Variants in ALG9 observed in about 807,000 individuals in gnomAD.
ALG9 encodes ALG9 alpha-1,2-mannosyltransferase.
A neutral mutation model predicts 81.8 loss-of-function variants in ALG9; 55 were observed. The ratio of observed to expected loss-of-function variants is 0.67; its 90% CI spans 0.54 to 0.84. ALG9 has a LOEUF of 0.84. Ranked by LOEUF, ALG9 falls within the 40% of genes least tolerant of loss-of-function variation. The pLI is 0.00. For missense variants in ALG9, 629 were observed against 745.0 expected (o/e 0.84, Z 1.81); for synonymous variants, 278 against 274.3 (o/e 1.01, Z -0.13).
At chr11:111,865,463 T>G (rs1160431286) in intron 3 of ALG9, among the ~76,000 whole-genome samples, 1 of 152,216 alleles carries the variant, frequency 6.6e-6, no homozygotes, top group African/African-American at 2.4e-5. Context: ...GAGGTAGAGC[T>G]CCATTCATGA....
intron 5 of ALG9, among the ~76,000 whole-genome samples, chr11:111,858,570 A>C (rs934315233): frequency 4.6e-5 from 7 of 152,192 alleles, no homozygotes; most frequent in African/African-American, 1.7e-4. Flanking sequence ...TCTGGCCTTT[A>C]AATAGCCCCC....
At position 111,840,943 on chromosome 11, in the gene ALG9, C is replaced by T. The variant is rs79745338; in HGVS notation, c.1019-134G>A. 1,603 of 1,055,370 alleles carry T rather than the reference C, an allele frequency of 1.5e-3. 12 individuals are homozygous for T. The African/African-American group carries it at 0.022, about 15-fold the overall frequency. 65.4% of individuals were successfully genotyped at this position (1,055,370 alleles called of 1,614,324 possible). On this transcript the variant is annotated intron_variant, in intron 9 of 14. Coordinates refer to ENST00000616540, the MANE Select transcript of ALG9 (RefSeq NM_024740.2). The stretch of plus-strand genomic sequence containing the variant: ...CATAGAATGTTTCTACTCTTGTATT[C>T]ACACTTTCTCCAATGCCATAAAGGC...
At chr11:111,870,507 G>T in intron 1 of ALG9, 137 bp from the exon 2 acceptor site, 1 of 1,176,182 alleles carries the variant, frequency 8.5e-7, no homozygotes, top group Non-Finnish European at 1.1e-6. Flanking sequence ...CTAAAAAGGT[G>T]AATAGCTAGT....
chr11:111,804,203 GA>G (rs1364321484), intron 14 of ALG9, among the ~76,000 whole-genome samples: 13 of 151,194 alleles, frequency 8.6e-5, no homozygotes, highest in Non-Finnish European at 1.9e-4. Context: ...GATAATACAG[GA>G]GAAAATCTAA....
rs1963856098 is a variant in ALG9, at chr11:111,870,227, C to T, written c.270+5G>A. The T allele has an allele frequency of 1.9e-6, 3 of 1,606,706 alleles. No individual in the cohort carries two copies. The highest frequency in any genetic ancestry group is 2.5e-6 in the Non-Finnish European group (3 of 1,178,038). On this transcript the variant is annotated splice_donor_5th_base_variant and intron_variant, in intron 2 of 14. Coordinates refer to ENST00000616540, the MANE Select transcript of ALG9 (RefSeq NM_024740.2). The stretch of plus-strand genomic sequence containing the variant: ...CAAAAAGAGAAAACTAAAGAAATCA[C>T]CTACTGGCTCCCAGTAGTTGAATGT...
At chr11:111,846,595 G>A (rs1207783541) in intron 8 of ALG9, among the ~76,000 whole-genome samples, 1 of 152,142 alleles carries the variant, frequency 6.6e-6, no homozygotes, top group East Asian at 1.9e-4. Context: ...TTTCCAACTA[G>A]GCTGTGAACA....
chr11:111,862,229 TCTTTTTTTTC>T (rs1322995181), intron 4 of ALG9, among the ~76,000 whole-genome samples: 9 of 150,956 alleles, frequency 6.0e-5, no homozygotes, highest in Non-Finnish European at 1.2e-4. Flanking sequence ...CTTACATGTT[TCTTTTTTTTC>T]TTTTTTTTTT....
chr11:111,770,364 C>T, the ALG9 span, among the ~76,000 whole-genome samples: 3 of 152,084 alleles, frequency 2.0e-5, no homozygotes, highest in Non-Finnish European at 4.4e-5. Flanking sequence ...AATAAACAAG[C>T]ATCTGCTCAG....
rs1267808084 is a variant in ALG9, at chr11:111,804,106, G to T, written c.1733+5537C>A. 2.1e-5 allele frequency among the ~76,000 whole-genome samples: 3 copies of T among 143,850 alleles called. No individual in the cohort carries two copies. The South Asian group carries it at 6.6e-4, about 32-fold the overall frequency. 94.4% of individuals were successfully genotyped at this position (143,850 alleles called of 152,430 possible). On this transcript the variant is annotated intron_variant, in intron 14 of 14. Transcript: ENST00000616540. ...CAAGAGTGTGCCACTGCACTCCAGC[G>T]TGTGTGACAGAGTAAGACTCCATCT...
chr11:111,829,252 A>C (rs1441462989), intron 13 of ALG9: 2 of 152,206 alleles, frequency 1.3e-5, no homozygotes, highest in Non-Finnish European at 2.9e-5. Flanking sequence ...AAAAATAACA[A>C]AATTGTAGGG....
intron 6 of ALG9, among the ~76,000 whole-genome samples, chr11:111,855,585 T>A (rs1958536412): frequency 6.6e-6 from 1 of 152,098 alleles, no homozygotes; most frequent in Admixed American, 6.6e-5. Context: ...GGTTTCTGGG[T>A]CAGTATTGAG....
chr11:111,870,858 T>C (rs1964096749), intron 1 of ALG9: 2 of 1,001,536 alleles, frequency 2.0e-6, no homozygotes, highest in Non-Finnish European at 2.4e-6. Context: ...CATTCCCCCT[T>C]ATGTTCAGAT....
At chr11:111,829,899 T>C (rs1954053201) in intron 13 of ALG9, among the ~76,000 whole-genome samples, 1 of 152,182 alleles carries the variant, frequency 6.6e-6, no homozygotes, top group Non-Finnish European at 1.5e-5. Context: ...CCATCTCTGG[T>C]CATGAGGGCC....
At chr11:111,803,503 GAAAAA>G (rs57411573) in intron 14 of ALG9, among the ~76,000 whole-genome samples, 8 of 133,356 alleles carry the variant, frequency 6.0e-5, no homozygotes, top group African/African-American at 2.2e-4. Context: ...TCCATCTCAG[GAAAAA>G]AAAAAAAAAA....
At chr11:111,864,555 C>T in intron 4 of ALG9, 1 of 603,790 alleles carries the variant, frequency 1.7e-6, no homozygotes, top group Non-Finnish European at 3.1e-6. Flanking sequence ...AAGCTTATCC[C>T]TGTAGCACAT....
At chr11:111,859,988 A>G (rs1959474267) in intron 5 of ALG9, among the ~76,000 whole-genome samples, 1 of 152,158 alleles carries the variant, frequency 6.6e-6, no homozygotes, top group Non-Finnish European at 1.5e-5. Context: ...CTGAAAGCCA[A>G]TGCTCTAGAG....
chr11:111,847,311 C>T (rs1010984200), intron 8 of ALG9, among the ~76,000 whole-genome samples: 2 of 152,200 alleles, frequency 1.3e-5, no homozygotes, highest in Admixed American at 6.5e-5. Context: ...AACCTGTGGG[C>T]CTCCCAACAG....
chr11:111,867,357 C>T (rs1262309423), intron 3 of ALG9, among the ~76,000 whole-genome samples: 2 of 152,092 alleles, frequency 1.3e-5, no homozygotes, highest in Non-Finnish European at 1.5e-5. Context: ...AACAGTCCAT[C>T]GATAGATTCC....
chr11:111,818,219 G>A (rs1951812174), intron 13 of ALG9, among the ~76,000 whole-genome samples: 1 of 152,214 alleles, frequency 6.6e-6, no homozygotes, highest in Non-Finnish European at 1.5e-5. Flanking sequence ...GAAGAAGCAT[G>A]GGGTACTCAA....
Sources: gnomAD v4.1 joint callset for allele counts (sites outside exome capture counted in the v4.1 genomes callset) on GRCh38, gnomAD v4.1.1 for gene constraint, MANE v1.5 for transcripts, NCBI Gene and HGNC (gene_info 2026-07-23, HGNC 2026-07-21) for gene names.